Variants in SLC35F3 observed in about 807,000 individuals in gnomAD.
SLC35F3 encodes the protein solute carrier family 35 member F3, also known as putative thiamine transporter SLC35F3.
A neutral mutation model predicts 49.9 loss-of-function variants in SLC35F3; 25 were observed. That is an observed-to-expected ratio of 0.50 (90% CI 0.37 to 0.70). The LOEUF (loss-of-function observed/expected upper bound fraction) is 0.70. SLC35F3 is among the 30% of genes least tolerant of loss of function. The pLI, the probability that SLC35F3 is intolerant of heterozygous loss-of-function variation, is 0.00. For synonymous variants in SLC35F3, 275 were observed against 265.4 expected (o/e 1.04, Z -0.35); for missense variants, 525 against 639.8 (o/e 0.82, Z 1.94).
intron 3 of SLC35F3, among the ~76,000 whole-genome samples, chr1:234,237,603 A>T (rs1231222335): frequency 6.6e-6 from 1 of 152,184 alleles, no homozygotes. Flanking sequence ...CCCCAGACAC[A>T]TTCCAGCCTG....
At position 233,905,614 on chromosome 1, in the gene SLC35F3, G is replaced by A; in HGVS notation, c.139G>A (p.Asp47Asn). The A allele has an allele frequency of 1.9e-6, 3 of 1,614,192 alleles. No homozygotes were observed. Among genetic ancestry groups the A allele is most frequent in the Non-Finnish European group, 1.7e-6 (2 of 1,180,046 alleles). The change falls in exon 2 of 8, where the codon GAC becomes AAC. Residue 47 changes from aspartate (D) to asparagine (N), a missense_variant. Physicochemically the swap from Asp to Asn is conservative, Grantham distance 23 (BLOSUM62 1). Transcript: ENST00000366618. ...CCGGCAGCTCAAGTACTTGGTGGTG[G>A]ACGAGGCGATTAAGGAGGATCTGAA... is the stretch of plus-strand genomic sequence containing the variant. Reference protein sequence around the residue: ...QLRQLKYLVVDEAIKEDLKWS... With the variant: ...QLRQLKYLVVNEAIKEDLKWS...
chr1:234,097,035 A>G (rs189883492), intron 2 of SLC35F3, among the ~76,000 whole-genome samples: 2 of 151,982 alleles, frequency 1.3e-5, no homozygotes, highest in African/African-American at 4.8e-5. Context: ...GATTATGAGC[A>G]TGCGCCACCA....
intron 2 of SLC35F3, among the ~76,000 whole-genome samples, chr1:234,195,269 G>A (rs951614069): frequency 6.6e-6 from 1 of 152,152 alleles, no homozygotes; most frequent in Non-Finnish European, 1.5e-5. Flanking sequence ...CCTCCTGTGT[G>A]CTCCAGCCAC....
chr1:233,963,157 A>C (rs975729733), intron 2 of SLC35F3, among the ~76,000 whole-genome samples: 2 of 152,114 alleles, frequency 1.3e-5, no homozygotes, highest in African/African-American at 2.4e-5. Context: ...TTCGTTTTGT[A>C]CATTTTAAGT....
At chr1:234,166,215 C>T (rs1666316500) in intron 2 of SLC35F3, among the ~76,000 whole-genome samples, 1 of 152,056 alleles carries the variant, frequency 6.6e-6, no homozygotes, top group African/African-American at 2.4e-5. Flanking sequence ...AGAGAGTTCC[C>T]ATATACCTCC....
chr1:234,277,666 C>T (rs1668233405), intron 3 of SLC35F3, among the ~76,000 whole-genome samples: 1 of 152,144 alleles, frequency 6.6e-6, no homozygotes, highest in Non-Finnish European at 1.5e-5. Flanking sequence ...TTCCTCCCAC[C>T]CTGTCTATCA....
At chr1:234,126,675 AT>A (rs1437550997) in intron 2 of SLC35F3, among the ~76,000 whole-genome samples, 1 of 150,460 alleles carries the variant, frequency 6.6e-6, no homozygotes, top group Non-Finnish European at 1.5e-5. Flanking sequence ...CATTTCTATA[AT>A]GTTTTCTTTT....
chr1:234,146,647 TG>T (rs1666001837), intron 2 of SLC35F3, among the ~76,000 whole-genome samples: 1 of 151,220 alleles, frequency 6.6e-6, no homozygotes, highest in Non-Finnish European at 1.5e-5. Flanking sequence ...CCCAAGTAGC[TG>T]GGATTACAGG....
At chr1:233,956,640 A>T (rs1662709563) in intron 2 of SLC35F3, among the ~76,000 whole-genome samples, 1 of 152,056 alleles carries the variant, frequency 6.6e-6, no homozygotes, top group African/African-American at 2.4e-5. Context: ...GCAACAGGGG[A>T]GCAGCCTGCC....
intron 2 of SLC35F3, among the ~76,000 whole-genome samples, chr1:234,147,289 C>G (rs923784091): frequency 1.6e-5 from 2 of 125,434 alleles, no homozygotes; most frequent in African/African-American, 5.6e-5. Context: ...TAATTCTTCT[C>G]TCCCTCACAT....
chr1:234,247,239 G>A (rs1248566343), intron 3 of SLC35F3, among the ~76,000 whole-genome samples: 1 of 152,262 alleles, frequency 6.6e-6, no homozygotes, highest in Non-Finnish European at 1.5e-5. Flanking sequence ...ATGTATGCAT[G>A]TGTCTATGTG....
chr1:234,239,214 G>A (rs937717492), intron 3 of SLC35F3, among the ~76,000 whole-genome samples: 2 of 152,176 alleles, frequency 1.3e-5, no homozygotes, highest in African/African-American at 4.8e-5. Context: ...GTCTCCCAGA[G>A]GAGCATCCTT....
chr1:234,089,967 G>T (rs558723903), intron 2 of SLC35F3, among the ~76,000 whole-genome samples: 1 of 152,368 alleles, frequency 6.6e-6, no homozygotes, highest in East Asian at 1.9e-4. Flanking sequence ...CCTTTTGAAA[G>T]AATACTTTCC....
intron 2 of SLC35F3, among the ~76,000 whole-genome samples, chr1:234,123,117 C>T (rs763909958): frequency 1.3e-5 from 2 of 152,182 alleles, no homozygotes; most frequent in African/African-American, 4.8e-5. Context: ...TCTCCACAGC[C>T]TCTCCAGCAT....
intron 2 of SLC35F3, among the ~76,000 whole-genome samples, chr1:234,203,118 A>C (rs1666923775): frequency 6.6e-6 from 1 of 152,264 alleles, no homozygotes; most frequent in Admixed American, 6.5e-5. Context: ...ATTGCAAGAA[A>C]AAATAAAAAG....
intron 2 of SLC35F3, among the ~76,000 whole-genome samples, chr1:234,162,526 C>G (rs931972831): frequency 6.6e-6 from 1 of 151,870 alleles, no homozygotes; most frequent in Non-Finnish European, 1.5e-5. Flanking sequence ...TGTGACAGGG[C>G]AGGACTGGGT....
chr1:234,009,441 G>A (rs114202943), intron 2 of SLC35F3, among the ~76,000 whole-genome samples: 109 of 152,244 alleles, frequency 7.2e-4, no homozygotes, highest in African/African-American at 2.2e-3. Context: ...ATCACACAGG[G>A]CTCCTCTGAA....
At chr1:234,173,322 C>T (rs561824960) in intron 2 of SLC35F3, among the ~76,000 whole-genome samples, 4 of 152,306 alleles carry the variant, frequency 2.6e-5, no homozygotes, top group African/African-American at 4.8e-5. Flanking sequence ...CTTACAAAAG[C>T]CCTGAAAGGT....
At chr1:234,054,204 G>A (rs1664422557) in intron 2 of SLC35F3, among the ~76,000 whole-genome samples, 1 of 152,228 alleles carries the variant, frequency 6.6e-6, no homozygotes, top group African/African-American at 2.4e-5. Flanking sequence ...CTAGGTTGGG[G>A]AAGTTCTCCT....
Sources: allele counts gnomAD v4.1 joint callset (sites outside exome capture counted in the v4.1 genomes callset), GRCh38; gene constraint gnomAD v4.1.1; transcripts MANE v1.5; gene names NCBI Gene and HGNC (gene_info 2026-07-23, HGNC 2026-07-21).